Variants in DPP6 observed in about 807,000 individuals in gnomAD.
The protein encoded by DPP6 is dipeptidyl peptidase like 6, also known as A-type potassium channel modulatory protein DPP6.
Under a neutral mutation model 122.6 loss-of-function variants are expected in DPP6, and 69 were observed. The ratio of observed to expected loss-of-function variants is 0.56; its 90% CI spans 0.46 to 0.69. The LOEUF is 0.69. DPP6 is among the 30% of genes least tolerant of loss of function. The pLI, the probability that DPP6 is intolerant of heterozygous loss-of-function variation, is 0.00. For missense variants in DPP6, 928 were observed against 1,116.9 expected, an observed-to-expected ratio of 0.83 and a Z score of 2.41; for synonymous variants, 418 against 433.1, an observed-to-expected ratio of 0.97 and a Z score of 0.43.
chr7:154,512,149 A>G (rs1233501106), intron 3 of DPP6, among the ~76,000 whole-genome samples: 1 of 152,206 alleles, frequency 6.6e-6, no homozygotes, highest in African/African-American at 2.4e-5. Flanking sequence ...ACTTGTATAT[A>G]CTTTTAGATG....
At position 154,717,548 on chromosome 7, in the gene DPP6, T is replaced by C. The variant is rs531162296; in HGVS notation, c.763-10219T>C. Among the ~76,000 whole-genome samples, 3 of 152,370 alleles carry C rather than the reference T, an allele frequency of 2.0e-5. No homozygotes were observed. The South Asian group carries it at 6.2e-4, about 32-fold the overall frequency. On this transcript the variant is annotated intron_variant, in intron 7 of 25. Coordinates refer to ENST00000377770, the MANE Select transcript of DPP6 (RefSeq NM_130797.4). ...CTTAACCTAGTGTCCTCTAGGTTCA[T>C]CCATGCTGCTGCAAATGACAGGATT...
At chr7:153,938,769 A>G (rs902269237) in intron 1 of DPP6, among the ~76,000 whole-genome samples, 2 of 152,192 alleles carry the variant, frequency 1.3e-5, no homozygotes, top group African/African-American at 2.4e-5. Context: ...AATGGTGGAA[A>G]AATTCACATC....
intron 5 of DPP6, chr7:154,588,172 C>G: frequency 3.3e-6 from 5 of 1,521,514 alleles, no homozygotes; most frequent in Middle Eastern, 2.2e-4. Context: ...GAAATACTGC[C>G]TTCCCCATCC....
intron 5 of DPP6, among the ~76,000 whole-genome samples, chr7:154,616,796 G>A (rs73727316): frequency 1.3e-5 from 2 of 152,112 alleles, no homozygotes; most frequent in Admixed American, 6.5e-5. Context: ...CCACAGTGAC[G>A]GGAAACATGC....
chr7:154,745,162 G>A (rs1842978678), intron 8 of DPP6, among the ~76,000 whole-genome samples: 1 of 152,194 alleles, frequency 6.6e-6, no homozygotes, highest in South Asian at 2.1e-4. Context: ...CAGGAATCAG[G>A]AGACTCACCA....
chr7:153,791,175 T>C, the DPP6 span, among the ~76,000 whole-genome samples: 4 of 152,322 alleles, frequency 2.6e-5, no homozygotes, highest in South Asian at 4.2e-4. Context: ...ATTGATACTC[T>C]TAACGTAGTA....
intron 3 of DPP6, among the ~76,000 whole-genome samples, chr7:154,494,001 A>T (rs1824509107): frequency 6.6e-6 from 1 of 152,202 alleles, no homozygotes; most frequent in South Asian, 2.1e-4. Context: ...TCTTACTTAG[A>T]TGGAAAGTGG....
intron 1 of DPP6, among the ~76,000 whole-genome samples, chr7:153,961,220 G>A (rs1391631016): frequency 2.0e-5 from 3 of 149,548 alleles, no homozygotes; most frequent in Non-Finnish European, 4.4e-5. Context: ...GGTTCAGGCA[G>A]GAACTCCCTA....
chr7:153,820,304 A>G, the DPP6 span, among the ~76,000 whole-genome samples: 9 of 152,256 alleles, frequency 5.9e-5, no homozygotes, highest in Non-Finnish European at 8.8e-5. Context: ...TGATGGGTAC[A>G]TTACTTAAGG....
intron 1 of DPP6, among the ~76,000 whole-genome samples, chr7:154,312,640 G>A (rs113168358): frequency 6.6e-6 from 1 of 152,182 alleles, no homozygotes; most frequent in African/African-American, 2.4e-5. Flanking sequence ...GGGGCGATGG[G>A]AGACCAGCCA....
rs570764483 is a variant in DPP6 at position 153,960,240 on chromosome 7, G to T, written c.51+72506G>T. On this transcript the variant is annotated intron_variant, in intron 1 of 25. Coordinates refer to the DPP6 transcript ENST00000404039. Reference sequence around the variant, plus strand: ...CTGATTGACTCTTACTTTCATAAAAGGTTCTCTGTGGCACGTCATGCTATT... The same window carrying T: ...CTGATTGACTCTTACTTTCATAAAATGTTCTCTGTGGCACGTCATGCTATT... 3.9e-5 allele frequency among the ~76,000 whole-genome samples: 6 copies of T among 152,102 alleles called. No individual in the cohort carries two copies. The South Asian group carries it at 1.2e-3, about 32-fold the overall frequency.
chr7:154,887,154 G>A (rs1008532809), intron 22 of DPP6, among the ~76,000 whole-genome samples: 1 of 152,146 alleles, frequency 6.6e-6, no homozygotes, highest in African/African-American at 2.4e-5. Context: ...GCGCCCTCAG[G>A]CTTACCCTGC....
At chr7:154,581,752 A>C (rs1487108154) in intron 5 of DPP6, among the ~76,000 whole-genome samples, 1 of 152,238 alleles carries the variant, frequency 6.6e-6, no homozygotes, top group Non-Finnish European at 1.5e-5. Flanking sequence ...GAGACAGCAG[A>C]ATAATCGCTC....
intron 1 of DPP6, among the ~76,000 whole-genome samples, chr7:154,150,849 C>T (rs948686479): frequency 5.3e-5 from 8 of 152,218 alleles, no homozygotes; most frequent in African/African-American, 1.9e-4. Context: ...AAGTGCTTTC[C>T]CCACCAGGAT....
intron 10 of DPP6, among the ~76,000 whole-genome samples, chr7:154,775,685 C>T (rs1283952479): frequency 1.3e-5 from 2 of 152,178 alleles, no homozygotes; most frequent in East Asian, 1.9e-4. Context: ...CCGGGAGAGA[C>T]GCCTACCCCA....
chr7:154,344,820 G>T (rs997758682), intron 1 of DPP6, among the ~76,000 whole-genome samples: 1 of 152,082 alleles, frequency 6.6e-6, no homozygotes, highest in African/African-American at 2.4e-5. Flanking sequence ...CCCAGGAGGC[G>T]GAGGTTGCAG....
At chr7:154,868,227 T>A (rs1804064520) in intron 18 of DPP6, 134 bp downstream of exon 18, 5 of 1,219,362 alleles carry the variant, frequency 4.1e-6, no homozygotes, top group African/African-American at 1.5e-5. Context: ...GCCCCTCAGC[T>A]CCTCTGGCAT....
the DPP6 span, among the ~76,000 whole-genome samples, chr7:153,827,328 T>C: frequency 6.6e-6 from 1 of 152,216 alleles, no homozygotes; most frequent in African/African-American, 2.4e-5. Context: ...TCATATGTTG[T>C]ACTTGTGCTT....
intron 1 of DPP6, among the ~76,000 whole-genome samples, chr7:154,229,893 T>G (rs1024266352): frequency 6.6e-6 from 1 of 152,214 alleles, no homozygotes; most frequent in Non-Finnish European, 1.5e-5. Context: ...GTGAAACCCA[T>G]GCATAGTTGG....
Sources: allele counts gnomAD v4.1 joint callset (sites outside exome capture counted in the v4.1 genomes callset), GRCh38; gene constraint gnomAD v4.1.1; transcripts MANE v1.5; gene names NCBI Gene and HGNC (gene_info 2026-07-23, HGNC 2026-07-21).